MMP17: variants seen among roughly 807,000 people sequenced by gnomAD.
MMP17 encodes matrix metalloproteinase-17.
MMP17 carries 54 observed loss-of-function variants against 49.1 expected under a neutral mutation model. That is an observed-to-expected ratio of 1.10 (90% confidence interval 0.88 to 1.38). The LOEUF (loss-of-function observed/expected upper bound fraction) is 1.38. Among genes scored for constraint, MMP17 ranks in the 40% most tolerant of loss-of-function variants. The pLI, the probability that MMP17 is intolerant of heterozygous loss-of-function variation, is 0.00. For missense variants in MMP17, 837 were observed against 853.7 expected, an observed-to-expected ratio of 0.98 and a Z score of 0.24; for synonymous variants, 397 against 383.1, an observed-to-expected ratio of 1.04 and a Z score of -0.42.
chr12:131,840,836 C>A lies in MMP17; in HGVS notation c.686C>A (p.Ala229Asp), dbSNP rs1256457659. Residue 229 changes from alanine to aspartate, a missense_variant, in exon 4 of 10, where the codon GCC becomes GAC. Transcript: ENST00000360564. ...GACACCCACTTTGACGATGACGAGG[C>A]CTGGACCTTCCGCTCCTCGGGTGCG... ...AGDTHFDDDEAWTFRSSDAHG... is the reference protein window; with the variant it reads ...AGDTHFDDDEDWTFRSSDAHG... 2.5e-6 allele frequency: 4 copies of A among 1,602,608 alleles called. No homozygotes were observed. Among genetic ancestry groups the A allele is most frequent in the Middle Eastern group, 1.7e-4 (1 of 6,044 alleles).
At position 131,838,336 on chromosome 12, in the gene MMP17, T is replaced by C; in HGVS notation, c.292+9T>C. On this transcript the variant is annotated intron_variant, in intron 2 of 9. Transcript: ENST00000360564. Reference sequence around the variant, plus strand: ...GGCCACCGGCATCCTGGGTCAGTTCTCCAGGGGGCAGCGGGAGCGCCGTGG... The same window carrying C: ...GGCCACCGGCATCCTGGGTCAGTTCCCCAGGGGGCAGCGGGAGCGCCGTGG... The C allele has an allele frequency of 6.2e-7, 1 of 1,611,772 alleles. No homozygotes were observed. Among genetic ancestry groups the C allele is most frequent in the South Asian group, 1.1e-5 (1 of 91,038 alleles).
At chr12:131,839,514 C>T (rs190680340) in intron 3 of MMP17, among the ~76,000 whole-genome samples, 5 of 152,186 alleles carry the variant, frequency 3.3e-5, no homozygotes, top group East Asian at 1.9e-4. Flanking sequence ...GTCTCTTTCA[C>T]CCAGGCTGGG....
At position 131,838,644 on chromosome 12, in the gene MMP17, C is replaced by T. The variant is rs769457738; in HGVS notation, c.325C>T (p.Arg109Cys). 40 of 1,611,268 alleles carry T rather than the reference C, an allele frequency of 2.5e-5. No individual in the cohort carries two copies. The highest frequency in any genetic ancestry group is 3.1e-5 in the Non-Finnish European group (37 of 1,179,778). Residue 109 changes from arginine (R) to cysteine (C), a missense_variant, in exon 3 of 10, where the codon CGC (arginine) becomes TGC (cysteine). Transcript: ENST00000360564. ...CACCCTGGCCCTGATGAAAACCCCA[C>T]GCTGCTCCCTGCCAGACCTCCCTGT... is the stretch of plus-strand genomic sequence containing the variant. ...EATLALMKTPRCSLPDLPVLT... is the reference protein window; with the variant it reads ...EATLALMKTPCCSLPDLPVLT...
intron 8 of MMP17, among the ~76,000 whole-genome samples, chr12:131,849,580 C>T (rs868782439): frequency 1.3e-5 from 2 of 152,220 alleles, no homozygotes; most frequent in Non-Finnish European, 2.9e-5. Context: ...CCGGCAGCGT[C>T]CACAGGCTGG....
In MMP17 at chr12:131,844,058, C is replaced by G. The variant is rs141838854; in HGVS notation, c.945C>G (p.Pro315=). 181 of 1,566,622 alleles carry G rather than the reference C, an allele frequency of 1.2e-4. No individual in the cohort carries two copies. The African/African-American group carries it at 2.3e-3, about 20-fold the overall frequency. ...AGGAGCCTCCCCTGCTGCCGGAGCCCCCAGACAACCGGTCCAGCGCCCCGT... is the reference window on the plus strand; with the variant it reads ...AGGAGCCTCCCCTGCTGCCGGAGCCGCCAGACAACCGGTCCAGCGCCCCGT... ...QPEEPPLLPE[P]PDNRSSAPPR... is the part of the protein sequence containing the mutation. The change falls in exon 6 of 10, where the codon CCC becomes CCG. Residue 315 remains proline (P), a synonymous_variant. Transcript: ENST00000360564.
intron 9 of MMP17, among the ~76,000 whole-genome samples, chr12:131,850,622 G>A (rs1593240931): frequency 6.6e-6 from 1 of 152,176 alleles, no homozygotes; most frequent in Non-Finnish European, 1.5e-5. Flanking sequence ...CCCTGCCCCA[G>A]CAGGCTCCTC....
intron 5 of MMP17, among the ~76,000 whole-genome samples, chr12:131,842,151 G>A (rs976807855): frequency 2.6e-5 from 4 of 152,204 alleles, no homozygotes; most frequent in African/African-American, 9.7e-5. Flanking sequence ...AGAAAACTGA[G>A]GCACCCAGAG....
intron 1 of MMP17, among the ~76,000 whole-genome samples, chr12:131,829,812 C>T (rs1343711543): frequency 6.6e-6 from 1 of 152,236 alleles, no homozygotes; most frequent in Non-Finnish European, 1.5e-5. Flanking sequence ...GATGGGAAGC[C>T]GATTTGGCCA....
intron 6 of MMP17, chr12:131,844,359 A>C (rs1456140198): frequency 2.1e-6 from 1 of 485,610 alleles, no homozygotes; most frequent in East Asian, 4.0e-5. Context: ...CAGCTTGAGG[A>C]ATGTTTCATC....
chr12:131,834,770 A>G (rs548735797), intron 1 of MMP17, among the ~76,000 whole-genome samples: 3 of 152,070 alleles, frequency 2.0e-5, no homozygotes, highest in Middle Eastern at 3.4e-3. Context: ...CCACCTTGCC[A>G]CCACCACCAC....
chr12:131,844,999 A>G, intron 6 of MMP17, 119 bp from the exon 7 acceptor site: 4 of 998,584 alleles, frequency 4.0e-6, no homozygotes, highest in Non-Finnish European at 6.2e-6. Flanking sequence ...AGGCAAGGAT[A>G]GGGGCTCCAC....
At chr12:131,842,683 G>A (rs933182145) in intron 5 of MMP17, among the ~76,000 whole-genome samples, 3 of 151,784 alleles carry the variant, frequency 2.0e-5, no homozygotes, top group Non-Finnish European at 4.4e-5. Context: ...TGAGGCAGGA[G>A]AATCACTTGA....
At chr12:131,831,182 C>G (rs1162736337) in intron 1 of MMP17, among the ~76,000 whole-genome samples, 1 of 152,198 alleles carries the variant, frequency 6.6e-6, no homozygotes, top group East Asian at 1.9e-4. Flanking sequence ...GGACTCGCGG[C>G]GAGAGTGTCT....
At chr12:131,833,326 G>A (rs568336405) in intron 1 of MMP17, among the ~76,000 whole-genome samples, 61 of 152,338 alleles carry the variant, frequency 4.0e-4, no homozygotes, top group South Asian at 1.5e-3. Context: ...CATAATGACC[G>A]CCTGAGACGC....
chr12:131,849,725 G>A, intron 8 of MMP17, 77 bp from the exon 9 acceptor site: 1 of 1,518,138 alleles, frequency 6.6e-7, no homozygotes, highest in Non-Finnish European at 8.9e-7. Flanking sequence ...GCTGACACAG[G>A]AGAAGGAAAG....
At chr12:131,844,940 G>GTATAATTAAAA in intron 6 of MMP17, 178 bp from the exon 7 acceptor site, 1 of 478,744 alleles carries the variant, frequency 2.1e-6, no homozygotes, top group Non-Finnish European at 3.6e-6. Context: ...CCCGCCCGCT[G>GTATAATTAAAA]AAGCGGTGGA....
chr12:131,843,267 CTT>C lies in MMP17; in HGVS notation c.884-707_884-706del, dbSNP rs55938259. On this transcript the variant is annotated intron_variant, in intron 5 of 9. Coordinates refer to ENST00000360564, the MANE Select transcript of MMP17 (RefSeq NM_016155.7). The stretch of plus-strand genomic sequence containing the variant: ...AGGCGTGAGCCACCGCACCTGGCCT[CTT>C]TTTTTTTTTTTTTTTTTTTTTTAGA... Among the ~76,000 whole-genome samples, 135 of 107,956 alleles carry C rather than the reference CTT, an allele frequency of 1.3e-3. 1 individual carries two copies. Among genetic ancestry groups the C allele is most frequent in the South Asian group, 2.3e-3 (7 of 2,984 alleles). 70.8% of individuals were successfully genotyped at this position (107,956 alleles called of 152,430 possible). A position where few individuals can be genotyped will look rare whatever the true frequency, so the allele number is the denominator to read the frequency against.
In MMP17 at chr12:131,851,282, C is replaced by T. The variant is rs1887963157; in HGVS notation, c.*8C>T. 5 of 1,399,458 alleles carry T rather than the reference C, an allele frequency of 3.6e-6. No homozygotes were observed. Among genetic ancestry groups the T allele is most frequent in the Admixed American group, 3.3e-5 (1 of 30,078 alleles). 86.7% of individuals were successfully genotyped at this position (1,399,458 alleles called of 1,614,324 possible). A position where few individuals can be genotyped will look rare whatever the true frequency, so the allele number is the denominator to read the frequency against. On this transcript the variant is annotated 3_prime_UTR_variant, in exon 10 of 10. Transcript: ENST00000360564. ...CAGGCCCTGACGCTATGACACACAG[C>T]GCGAGCCCATGAGAGGACAGAGGCG...
Position 131,851,288 on chromosome 12 carries a change from C to T in MMP17, c.*14C>T, listed in dbSNP as rs1486466869. The T allele has an allele frequency of 1.2e-5, 16 of 1,390,390 alleles. No homozygotes were observed. The highest frequency in any genetic ancestry group is 1.5e-5 in the African/African-American group (1 of 66,818). The allele number at this position is 1,390,390 out of a possible 1,614,324, so 86.1% of individuals were successfully genotyped here. On this transcript the variant is annotated 3_prime_UTR_variant, in exon 10 of 10. Transcript: ENST00000360564. ...CTGACGCTATGACACACAGCGCGAG[C>T]CCATGAGAGGACAGAGGCGGTGGGA...
Sources: gnomAD v4.1 joint callset for allele counts (sites outside exome capture counted in the v4.1 genomes callset) on GRCh38, gnomAD v4.1.1 for gene constraint, MANE v1.5 for transcripts, NCBI Gene and HGNC (gene_info 2026-07-23, HGNC 2026-07-21) for gene names.